Variants in PAH observed in about 807,000 individuals in gnomAD.
PAH encodes phenylalanine hydroxylase.
Under a neutral mutation model 62.0 loss-of-function variants are expected in PAH, and 64 were observed. That is an observed-to-expected ratio of 1.03 (90% CI 0.84 to 1.27). The LOEUF (loss-of-function observed/expected upper bound fraction) is 1.27. PAH is among the 50% of genes most tolerant of loss of function. The pLI is 0.00. For synonymous variants in PAH, 195 were observed against 196.2 expected (o/e 0.99, Z 0.05); for missense variants, 579 against 542.8 (o/e 1.07, Z -0.66).
In PAH at chr12:102,868,495, G is replaced by A. The variant is rs556944230; in HGVS notation, c.442-1832C>T. On this transcript the variant is annotated intron_variant, in intron 4 of 12. Coordinates refer to ENST00000553106, the MANE Select transcript of PAH (RefSeq NM_000277.3). ...TAATGTGATTACTCTGTTTAGAAAAGATTTTATGACACGGTTATTGCAAAG... is the reference window on the plus strand; with the variant it reads ...TAATGTGATTACTCTGTTTAGAAAAAATTTTATGACACGGTTATTGCAAAG... Among the ~76,000 whole-genome samples, 503 of 151,924 alleles carry A rather than the reference G, an allele frequency of 3.3e-3. 3 individuals carry two copies. The highest frequency in any genetic ancestry group is 9.3e-3 in the African/African-American group (385 of 41,446).
intron 8 of PAH, among the ~76,000 whole-genome samples, chr12:102,851,346 G>C (rs933190367): frequency 6.6e-6 from 1 of 152,132 alleles, no homozygotes; most frequent in Admixed American, 6.5e-5. Context: ...GCCCTGAAAA[G>C]GTAAGGGGAA....
intron 3 of PAH, among the ~76,000 whole-genome samples, chr12:102,889,226 C>G (rs905570060): frequency 6.6e-6 from 1 of 152,190 alleles, no homozygotes; most frequent in Non-Finnish European, 1.5e-5. Flanking sequence ...GGAATCCTAT[C>G]CTCCCTTCAA....
intron 1 of PAH, among the ~76,000 whole-genome samples, chr12:102,925,504 C>A (rs1439579634): frequency 1.3e-5 from 2 of 152,146 alleles, no homozygotes; most frequent in African/African-American, 2.4e-5. Context: ...CTAATCACAA[C>A]AATCTAAGAG....
intron 3 of PAH, among the ~76,000 whole-genome samples, chr12:102,892,979 A>T (rs1322010028): frequency 6.6e-6 from 1 of 152,266 alleles, no homozygotes; most frequent in Non-Finnish European, 1.5e-5. Context: ...TCGGCTCATC[A>T]GTTCTAAAAA....
chr12:102,858,433 C>A (rs943014425), intron 5 of PAH, among the ~76,000 whole-genome samples: 1 of 152,304 alleles, frequency 6.6e-6, no homozygotes, highest in East Asian at 1.9e-4. Context: ...AGAAAGTTAA[C>A]AAGGATGTCC....
At chr12:102,950,854 C>T (rs1051707101), upstream of PAH, 2 of 152,198 alleles carry the variant, frequency 1.3e-5, no homozygotes, top group Non-Finnish European at 2.9e-5. Flanking sequence ...TCAGAATGAA[C>T]TTTCCGCGCA....
At chr12:102,840,199 CA>C (rs1412932014) in intron 12 of PAH, among the ~76,000 whole-genome samples, 200 bp downstream of exon 12, 1 of 151,852 alleles carries the variant, frequency 6.6e-6, no homozygotes, top group Non-Finnish European at 1.5e-5. Context: ...CTAGGAAGGT[CA>C]AAGGAAAAAG....
In PAH at chr12:102,937,996, G is replaced by A. The variant is rs185767590; in HGVS notation, c.-96+12593C>T. Among the ~76,000 whole-genome samples, 838 of 152,260 alleles carry A rather than the reference G, an allele frequency of 5.5e-3. 29 individuals carry two copies. Among genetic ancestry groups the A allele is most frequent in the Admixed American group, 0.048 (735 of 15,280 alleles). On this transcript the variant is annotated intron_variant, in intron 1 of 3. Coordinates refer to the PAH transcript ENST00000546844. ...AGGGTAGGTGCCAAGATGGCTGACC[G>A]AAGCAGCTACTGTGCACCGCTCTCA...
chr12:102,872,115 G>A (rs945044180), intron 4 of PAH, among the ~76,000 whole-genome samples: 4 of 151,820 alleles, frequency 2.6e-5, no homozygotes, highest in Admixed American at 2.6e-4. Flanking sequence ...TCACTTCAAA[G>A]TAGATGCTGG....
chr12:102,895,688 A>C (rs983651617), intron 2 of PAH, among the ~76,000 whole-genome samples: 1 of 151,780 alleles, frequency 6.6e-6, no homozygotes, highest in Admixed American at 6.6e-5. Context: ...CTCTACTGAA[A>C]ACACAAAAGA....
intron 1 of PAH, among the ~76,000 whole-genome samples, chr12:102,938,812 A>G (rs1448332502): frequency 6.6e-6 from 1 of 152,162 alleles, no homozygotes; most frequent in Non-Finnish European, 1.5e-5. Flanking sequence ...GAGCCAGATT[A>G]TTCTTGACAC....
intron 1 of PAH, among the ~76,000 whole-genome samples, chr12:102,945,579 C>G (rs978797587): frequency 6.6e-6 from 1 of 152,150 alleles, no homozygotes; most frequent in African/African-American, 2.4e-5. Flanking sequence ...CTGGCTACCA[C>G]TGCCCCAGAC....
intron 10 of PAH, 109 bp from the exon 11 acceptor site, chr12:102,843,888 T>C: frequency 8.2e-7 from 1 of 1,223,260 alleles, no homozygotes; most frequent in Non-Finnish European, 1.2e-6. Flanking sequence ...CCCGATTCCT[T>C]CTACATCACA....
At chr12:102,879,109 C>T (rs1474182909) in intron 3 of PAH, among the ~76,000 whole-genome samples, 3 of 152,042 alleles carry the variant, frequency 2.0e-5, no homozygotes, top group Non-Finnish European at 4.4e-5. Flanking sequence ...CTCTCTGTGT[C>T]TCAGTTCCTC....
chr12:102,917,200 G>A lies in PAH; in HGVS notation c.-70C>T. 1.4e-6 allele frequency: 2 copies of A among 1,399,124 alleles called. No homozygotes were observed. Among genetic ancestry groups the A allele is most frequent in the Non-Finnish European group, 2.0e-6 (2 of 985,766 alleles). 86.7% of individuals were successfully genotyped at this position (1,399,124 alleles called of 1,614,324 possible). ...GTACAGGCAGGTTTGCAAACAGCACGTGGGGCTGAAGGTTTTAACCTCGCA... is the reference window on the plus strand; with the variant it reads ...GTACAGGCAGGTTTGCAAACAGCACATGGGGCTGAAGGTTTTAACCTCGCA... On this transcript the variant is annotated 5_prime_UTR_variant, in exon 1 of 13. In the 5' UTR this introduces an upstream ATG that the reference lacks. Transcript: ENST00000553106.
chr12:102,912,741 T>A, intron 2 of PAH, 50 bp downstream of exon 2: 1 of 1,263,702 alleles, frequency 7.9e-7, no homozygotes, highest in Middle Eastern at 1.8e-4. Context: ...GAAAAGAACA[T>A]GGAAGTTTGC....
chr12:102,860,219 C>G (rs1049244390), intron 5 of PAH, among the ~76,000 whole-genome samples: 26 of 152,276 alleles, frequency 1.7e-4, no homozygotes, highest in African/African-American at 5.8e-4. Context: ...TGAGGGAACT[C>G]CCATTCACAA....
rs575773417 is a variant in PAH at position 102,878,866 on chromosome 12, C to T, written c.353-1316G>A. Among the ~76,000 whole-genome samples the T allele has an allele frequency of 1.8e-4, 27 of 152,086 alleles. No individual in the cohort carries two copies. The South Asian group carries it at 2.7e-3, about 15-fold the overall frequency. ...GGAAGGCATGATAACCCCTCTTGCG[C>T]GGGTAAGAAACTGGGGCTCTAAAAG... On this transcript the variant is annotated intron_variant, in intron 3 of 12. Coordinates refer to ENST00000553106, the MANE Select transcript of PAH (RefSeq NM_000277.3).
At chr12:102,932,597 A>G (rs1165693424) in intron 1 of PAH, among the ~76,000 whole-genome samples, 4 of 152,214 alleles carry the variant, frequency 2.6e-5, no homozygotes, top group African/African-American at 4.8e-5. Context: ...ATATACATAT[A>G]TCTTACATTT....
Sources: gnomAD v4.1 joint callset for allele counts (sites outside exome capture counted in the v4.1 genomes callset) on GRCh38, gnomAD v4.1.1 for gene constraint, MANE v1.5 for transcripts, NCBI Gene and HGNC (gene_info 2026-07-23, HGNC 2026-07-21) for gene names.